RPS19: variants seen among roughly 807,000 people sequenced by gnomAD.
RPS19 encodes small ribosomal subunit protein eS19.
A neutral mutation model predicts 20.3 loss-of-function variants in RPS19; 1 was observed. The observed-to-expected ratio is 0.05, with a 90% CI of 0.02 to 0.23. The LOEUF (loss-of-function observed/expected upper bound fraction) is 0.23, where lower values mean the gene tolerates loss of function less well. Among genes scored for constraint, RPS19 ranks in the 10% least tolerant of loss-of-function variants. The pLI, the probability that RPS19 is intolerant of heterozygous loss-of-function variation, is 1.00. For synonymous variants in RPS19, 87 were observed against 74.8 expected (o/e 1.16, Z -0.84); for missense variants, 111 against 192.7 (o/e 0.58, Z 2.51).
intron 4 of RPS19, 135 bp downstream of exon 4, chr19:41,869,349 C>T: frequency 1.2e-6 from 1 of 861,082 alleles, no homozygotes; most frequent in Non-Finnish European, 1.8e-6. Flanking sequence ...GGGGATTCTG[C>T]AGAAAAGCAA....
At chr19:41,861,973 G>T (rs1418518144) in intron 3 of RPS19, among the ~76,000 whole-genome samples, 4 of 152,308 alleles carry the variant, frequency 2.6e-5, no homozygotes, top group Middle Eastern at 3.4e-3. Flanking sequence ...TCAGGAAGAT[G>T]TAACAGGGTG....
At chr19:41,861,027 A>T (rs1263613396) in intron 2 of RPS19, 85 bp from the exon 3 acceptor site, 45 of 1,131,290 alleles carry the variant, frequency 4.0e-5, no homozygotes, top group Non-Finnish European at 5.9e-5. Context: ...GGCACAGCAT[A>T]GTTGTGTTGA....
chr19:41,870,311 TGTACCC>T (rs1251714083), intron 5 of RPS19, among the ~76,000 whole-genome samples: 43 of 151,896 alleles, frequency 2.8e-4, no homozygotes, highest in African/African-American at 9.4e-4. Context: ...AGCACATAGC[TGTACCC>T]GTAGATGACT....
Position 41,871,438 on chromosome 19 carries a change from T to C in RPS19, c.*61T>C. ...GTAATCCTGGTCTGGGTCTCTTTTT[T>C]GAGTCTCTTGCTCTGTCGCCCAGGC... On this transcript the variant is annotated 3_prime_UTR_variant, in exon 6 of 6. Coordinates refer to ENST00000598742, the MANE Select transcript of RPS19 (RefSeq NM_001022.4). The C allele has an allele frequency of 6.8e-7, 1 of 1,467,822 alleles. No individual in the cohort carries two copies. The highest frequency in any genetic ancestry group is 9.5e-7 in the Non-Finnish European group (1 of 1,049,714). The allele number at this position is 1,467,822 out of a possible 1,614,324, so 90.9% of individuals were successfully genotyped here.
chr19:41,862,657 T>C (rs1482160047), intron 3 of RPS19, among the ~76,000 whole-genome samples: 2 of 147,296 alleles, frequency 1.4e-5, no homozygotes, highest in Non-Finnish European at 3.0e-5. Flanking sequence ...TTTTTTAACA[T>C]GGGGAGGGAT....
rs1454706945 is a variant in RPS19 at position 41,861,164 on chromosome 19, C to T, written c.124C>T (p.His42Tyr). 2 of 1,614,134 alleles carry T rather than the reference C, an allele frequency of 1.2e-6. No individual in the cohort carries two copies. Among genetic ancestry groups the T allele is most frequent in the Non-Finnish European group, 1.7e-6 (2 of 1,180,018 alleles). Residue 42 changes from histidine to tyrosine, a missense_variant, in exon 3 of 6, where the codon CAC (histidine) becomes TAC (tyrosine). Transcript: ENST00000598742. The stretch of plus-strand genomic sequence containing the variant: ...GGTGGATACCGTCAAGCTGGCCAAG[C>T]ACAAAGAGCTTGCTCCCTACGATGA... ...EWVDTVKLAKHKELAPYDENW... is the reference protein window; with the variant it reads ...EWVDTVKLAKYKELAPYDENW...
intron 3 of RPS19, 122 bp downstream of exon 3, chr19:41,861,334 T>TC (rs1600609295): frequency 2.7e-6 from 2 of 736,550 alleles, no homozygotes; most frequent in African/African-American, 3.5e-5. Flanking sequence ...CTTGGTTGTG[T>TC]CACCACTTGC....
intron 5 of RPS19, 96 bp from the exon 6 acceptor site, chr19:41,871,255 G>A: frequency 2.0e-6 from 2 of 1,004,752 alleles, no homozygotes; most frequent in East Asian, 4.8e-5. Flanking sequence ...CCACAAATCG[G>A]GGTGCCCACC....
At position 41,869,114 on chromosome 19, in the gene RPS19, G is replaced by A. The variant is rs1568795314; in HGVS notation, c.256G>A (p.Gly86Ser). The part of the protein sequence containing the change: ...TKIYGGRQRN[G>S]VMPSHFSRGS... ...GATCTATGGGGGACGTCAGAGAAAC[G>A]GCGTCATGCCCAGCCACTTCAGCCG... The change falls in exon 4 of 6, where the codon GGC (glycine) becomes AGC (serine). Residue 86 changes from glycine (G) to serine (S), a missense_variant. Transcript: ENST00000598742. The A allele has an allele frequency of 2.5e-6, 4 of 1,613,754 alleles. No homozygotes were observed. Among genetic ancestry groups the A allele is most frequent in the East Asian group, 2.2e-5 (1 of 44,890 alleles).
chr19:41,863,274 G>T (rs1318379712), intron 3 of RPS19, among the ~76,000 whole-genome samples: 3 of 152,134 alleles, frequency 2.0e-5, no homozygotes, highest in African/African-American at 4.8e-5. Flanking sequence ...CAAAGCACTG[G>T]GATTACAGGC....
chr19:41,869,777 G>A (rs1568796157), intron 5 of RPS19, 24 bp downstream of exon 5: 2 of 1,612,516 alleles, frequency 1.2e-6, no homozygotes, highest in South Asian at 1.1e-5. Context: ...TTGGGGTGGG[G>A]CTGGGTCCCT....
At position 41,860,622 on chromosome 19, in the gene RPS19, A is replaced by AGGAGCC. The variant is rs2074017930; in HGVS notation, c.1-146_1-141dup. On this transcript the variant is annotated intron_variant, in intron 1 of 5. Transcript: ENST00000598742. ...CGTCGGTGAGCTCCTTCAGACCCGC[A>AGGAGCC]GGAGCCGGAGCCCGGCGTTGAAGGG... The AGGAGCC allele has an allele frequency of 1.6e-5, 12 of 760,158 alleles. No homozygotes were observed. In the East Asian group the frequency reaches 2.9e-4, roughly 19 times the overall value. The allele number at this position is 760,158 out of a possible 1,614,324, so 47.1% of individuals were successfully genotyped here.
intron 3 of RPS19, among the ~76,000 whole-genome samples, chr19:41,861,971 A>G (rs1156464035): frequency 1.3e-5 from 2 of 152,192 alleles, no homozygotes; most frequent in Non-Finnish European, 2.9e-5. Context: ...TTTCAGGAAG[A>G]TGTAACAGGG....
chr19:41,865,396 T>C (rs928714515), intron 3 of RPS19, among the ~76,000 whole-genome samples: 21 of 149,764 alleles, frequency 1.4e-4, no homozygotes, highest in African/African-American at 4.2e-4. Context: ...ATAGGCCTTA[T>C]GGGAGCTTGT....
Position 41,860,851 on chromosome 19 carries a change from T to A in RPS19, c.71+6T>A, listed in dbSNP as rs2074021759. ...CTGGCAGCCTTCCTCAAAAAGTGAG[T>A]TTGGGGACTGAGGTTCAAAACGGGT... On this transcript the variant is annotated splice_donor_region_variant and intron_variant, in intron 2 of 5. Transcript: ENST00000598742. The A allele has an allele frequency of 1.9e-6, 3 of 1,612,102 alleles. No homozygotes were observed. The highest frequency in any genetic ancestry group is 2.5e-6 in the Non-Finnish European group (3 of 1,178,850).
chr19:41,871,318 GACTA>G, intron 5 of RPS19, 29 bp from the exon 6 acceptor site: 1 of 1,612,432 alleles, frequency 6.2e-7, no homozygotes, highest in Non-Finnish European at 8.5e-7. Flanking sequence ...AGACCCCCTT[GACTA>G]ACTTTTATTC....
intron 3 of RPS19, chr19:41,861,594 T>C: frequency 2.9e-6 from 1 of 344,614 alleles, no homozygotes; most frequent in Non-Finnish European, 5.6e-6. Context: ...CACTCTCTCA[T>C]CCCCAAAATG....
At chr19:41,860,439 A>G (rs908084100) in intron 1 of RPS19, 150 bp downstream of exon 1, 1 of 333,200 alleles carries the variant, frequency 3.0e-6, no homozygotes, top group Non-Finnish European at 5.6e-6. Flanking sequence ...AGGCCCGGAC[A>G]TGCCCGGTCA....
At chr19:41,869,989 T>C (rs868942743) in intron 5 of RPS19, among the ~76,000 whole-genome samples, 77 of 152,118 alleles carry the variant, frequency 5.1e-4, no homozygotes, top group African/African-American at 1.7e-3. Context: ...ACCCCTGTAA[T>C]CCCAGCACTT....
Sources: gnomAD v4.1 joint callset for allele counts (sites outside exome capture counted in the v4.1 genomes callset) on GRCh38, gnomAD v4.1.1 for gene constraint, MANE v1.5 for transcripts, NCBI Gene and HGNC (gene_info 2026-07-23, HGNC 2026-07-21) for gene names.